EPM2A: variants seen among roughly 807,000 people sequenced by gnomAD.
The protein encoded by EPM2A is laforin.
In EPM2A, 21 loss-of-function variants were observed where a neutral mutation model predicts 26.5. That is an observed-to-expected ratio of 0.79 (90% confidence interval 0.56 to 1.14). EPM2A has a LOEUF of 1.14. Among genes scored for constraint, EPM2A ranks in the 50% most tolerant of loss-of-function variants. The pLI is 0.00. For missense variants in EPM2A, 458 were observed against 440.8 expected (o/e 1.04, Z -0.35); for synonymous variants, 217 against 177.6 (o/e 1.22, Z -1.76).
chr6:145,717,196 A>C (rs1412045002), intron 1 of EPM2A, among the ~76,000 whole-genome samples: 2 of 152,218 alleles, frequency 1.3e-5, no homozygotes, highest in African/African-American at 4.8e-5. Context: ...ATCCTTGATG[A>C]ACATTGATGC....
intron 4 of EPM2A, among the ~76,000 whole-genome samples, chr6:145,401,354 G>A (rs77661731): frequency 0.012 from 1,871 of 152,164 alleles, 24 homozygotes; most frequent in African/African-American, 0.041. Context: ...CTCTGTTAAG[G>A]TCTGGTGCCT....
chr6:145,486,703 A>C (rs536161601), intron 4 of EPM2A, among the ~76,000 whole-genome samples: 1 of 152,188 alleles, frequency 6.6e-6, no homozygotes, highest in South Asian at 2.1e-4. Context: ...AAAATCATGC[A>C]GTATTTTTCT....
chr6:145,722,630 T>C (rs1468549110), intron 1 of EPM2A: 2 of 287,872 alleles, frequency 6.9e-6, no homozygotes, highest in South Asian at 3.0e-5. Flanking sequence ...AAAGATTTAC[T>C]CTGTTATGGG....
chr6:145,505,564 A>G (rs75429224), intron 2 of EPM2A, among the ~76,000 whole-genome samples: 1,700 of 152,148 alleles, frequency 0.011, 26 homozygotes, highest in African/African-American at 0.039. Flanking sequence ...AAATCTGCAG[A>G]CCTAGTCATA....
chr6:145,432,587 C>G (rs1778935995), intron 4 of EPM2A, among the ~76,000 whole-genome samples: 1 of 150,998 alleles, frequency 6.6e-6, no homozygotes, highest in African/African-American at 2.4e-5. Flanking sequence ...GTCTTACAAG[C>G]TTTCTTGTTC....
intron 2 of EPM2A, among the ~76,000 whole-genome samples, chr6:145,532,369 C>A (rs879467610): frequency 1.3e-5 from 2 of 152,148 alleles, no homozygotes; most frequent in Non-Finnish European, 2.9e-5. Flanking sequence ...CAGCCTAATC[C>A]TTACCTTGAG....
At chr6:145,710,132 T>C (rs1402094055) in intron 1 of EPM2A, among the ~76,000 whole-genome samples, 1 of 151,874 alleles carries the variant, frequency 6.6e-6, no homozygotes, top group Non-Finnish European at 1.5e-5. Context: ...CTAATTAAAC[T>C]AAAGAGCTTC....
intron 2 of EPM2A, among the ~76,000 whole-genome samples, chr6:145,612,739 T>C (rs1029930753): frequency 1.6e-4 from 23 of 148,070 alleles, no homozygotes; most frequent in African/African-American, 5.6e-4. Context: ...TATTATATTA[T>C]ATATAGGTAT....
chr6:145,730,639 G>A (rs529638735), intron 1 of EPM2A, among the ~76,000 whole-genome samples: 1 of 152,284 alleles, frequency 6.6e-6, no homozygotes, highest in East Asian at 1.9e-4. Context: ...TGTACTCCAT[G>A]CTTCTTTCAG....
At chr6:145,514,031 A>G (rs1780090748) in intron 2 of EPM2A, among the ~76,000 whole-genome samples, 1 of 152,176 alleles carries the variant, frequency 6.6e-6, no homozygotes, top group African/African-American at 2.4e-5. Context: ...TGGGAGAGAG[A>G]GGGAGAGGTT....
chr6:145,425,630 GCAA>G (rs1246335328), intron 4 of EPM2A, among the ~76,000 whole-genome samples: 3 of 52,144 alleles, frequency 5.8e-5, no homozygotes, highest in African/African-American at 1.3e-4. Flanking sequence ...TTTGAGAATG[GCAA>G]AAAAAAAAAA....
intron 4 of EPM2A, among the ~76,000 whole-genome samples, chr6:145,433,214 A>C (rs927671502): frequency 6.6e-6 from 1 of 152,188 alleles, no homozygotes; most frequent in African/African-American, 2.4e-5. Flanking sequence ...GTCTTACATA[A>C]CTTGGCTAAC....
intron 2 of EPM2A, among the ~76,000 whole-genome samples, chr6:145,518,688 G>A (rs1326825221): frequency 6.6e-6 from 1 of 150,870 alleles, no homozygotes; most frequent in Non-Finnish European, 1.5e-5. Flanking sequence ...CCAACAGTTA[G>A]CTTTGAGTAG....
intron 1 of EPM2A, among the ~76,000 whole-genome samples, chr6:145,692,036 T>G (rs1781311653): frequency 2.6e-5 from 4 of 152,044 alleles, no homozygotes; most frequent in Admixed American, 2.6e-4. Context: ...TAGAAAAAGA[T>G]ATACTATGCA....
chr6:145,609,874 C>T (rs1481251840), intron 2 of EPM2A, among the ~76,000 whole-genome samples: 1 of 152,128 alleles, frequency 6.6e-6, no homozygotes, highest in Non-Finnish European at 1.5e-5. Context: ...TTGGAAGGGA[C>T]CTTGGAATTT....
chr6:145,553,861 A>G (rs1437298042), intron 2 of EPM2A, among the ~76,000 whole-genome samples: 3 of 147,898 alleles, frequency 2.0e-5, no homozygotes, highest in Non-Finnish European at 4.5e-5. Context: ...ATATAAATAC[A>G]TATATATTAC....
chr6:145,717,101 T>G (rs1428389764), intron 1 of EPM2A, among the ~76,000 whole-genome samples: 2 of 152,094 alleles, frequency 1.3e-5, no homozygotes, highest in African/African-American at 4.8e-5. Flanking sequence ...GAGGGAATCC[T>G]CCCTAACTCA....
At chr6:145,588,884 C>G (rs762304786) in intron 2 of EPM2A, among the ~76,000 whole-genome samples, 2 of 152,086 alleles carry the variant, frequency 1.3e-5, no homozygotes, top group African/African-American at 4.8e-5. Flanking sequence ...AGCAGGGGAA[C>G]TTTACTATAA....
intron 2 of EPM2A, among the ~76,000 whole-genome samples, chr6:145,675,117 TG>T (rs1304423079): frequency 3.3e-5 from 5 of 151,714 alleles, no homozygotes; most frequent in Non-Finnish European, 5.9e-5. Flanking sequence ...CAGAAGAGAG[TG>T]GGGGCCAATA....
Sources: allele counts gnomAD v4.1 joint callset (sites outside exome capture counted in the v4.1 genomes callset), GRCh38; gene constraint gnomAD v4.1.1; transcripts MANE v1.5; gene names NCBI Gene and HGNC (gene_info 2026-07-23, HGNC 2026-07-21).